RMI2: variants seen among roughly 807,000 people sequenced by gnomAD.
The protein encoded by RMI2 is recQ-mediated genome instability protein 2.
In RMI2, 11 loss-of-function variants were observed where a neutral mutation model predicts 8.4. The observed-to-expected ratio is 1.32, with a 90% CI of 0.83 to 2.18. RMI2 has a LOEUF of 2.18. Ranked by LOEUF, RMI2 falls within the 30% of genes most tolerant of loss-of-function variation. RMI2 has a pLI of 0.00. For missense variants in RMI2, 253 were observed against 207.5 expected (o/e 1.22, Z -1.35); for synonymous variants, 105 against 93.8 (o/e 1.12, Z -0.69).
At chr16:11,345,856 A>C in intron 1 of RMI2, 90 bp downstream of exon 1, 31 of 1,058,358 alleles carry the variant, frequency 2.9e-5, no homozygotes, top group Non-Finnish European at 3.6e-5. Context: ...TGACACTCGA[A>C]CGGGGGCGGG....
chr16:11,346,263 T>TTA (rs1045684371), intron 1 of RMI2, among the ~76,000 whole-genome samples: 11 of 111,820 alleles, frequency 9.8e-5, no homozygotes, highest in Non-Finnish European at 1.5e-4. Context: ...CTCTTTTTTT[T>TTA]TTTTTTTTTT....
intron 1 of RMI2, among the ~76,000 whole-genome samples, chr16:11,346,706 A>G (rs1279208056): frequency 6.6e-6 from 1 of 152,202 alleles, no homozygotes; most frequent in African/African-American, 2.4e-5. Context: ...TTGCATTTCT[A>G]ACCAGCTCCC....
Position 11,350,934 on chromosome 16 carries a change from G to A in RMI2, c.*144G>A, listed in dbSNP as rs1017852857. On this transcript the variant is annotated 3_prime_UTR_variant, in exon 2 of 2. Coordinates refer to ENST00000312499, the MANE Select transcript of RMI2 (RefSeq NM_152308.3). ...CTTGCTTTGGTTGACCAAGGAGTCC[G>A]GATGTAGGAATGTTTAAATCCTCGG... The A allele has an allele frequency of 2.9e-5, 18 of 618,412 alleles. No homozygotes were observed. Among genetic ancestry groups the A allele is most frequent in the African/African-American group, 1.5e-4 (8 of 52,194 alleles). The allele number at this position is 618,412 out of a possible 1,614,324, so 38.3% of individuals were successfully genotyped here.
rs904953554 is a variant in RMI2 at position 11,350,815 on chromosome 16, A to G, written c.*25A>G. 6.3e-7 allele frequency: 1 copy of G among 1,575,392 alleles called. No individual in the cohort carries two copies. Among genetic ancestry groups the G allele is most frequent in the Admixed American group, 1.9e-5 (1 of 51,942 alleles). ...GAGTATGTTGGAACTGTCGTTAAAA[A>G]CAACCAAAATCCCGAAACTATTTAG... On this transcript the variant is annotated 3_prime_UTR_variant, in exon 2 of 2. Transcript: ENST00000312499.
rs956777715 is a variant in RMI2 at position 11,345,507 on chromosome 16, C to T, written c.36C>T (p.Pro12=). ...AAAADSFSGG[P]AGVRLPRSPP... ...CTGCGGACTCGTTCTCAGGCGGCCC[C>T]GCGGGGGTGCGGCTTCCGAGGTCGC... Residue 12 remains proline (P), a synonymous_variant, in exon 1 of 2, where the codon CCC becomes CCT. Transcript: ENST00000312499. 3.8e-6 allele frequency: 5 copies of T among 1,307,538 alleles called. No individual in the cohort carries two copies. Among genetic ancestry groups the T allele is most frequent in the Admixed American group, 3.1e-5 (1 of 31,758 alleles). The allele number at this position is 1,307,538 out of a possible 1,614,324, so 81.0% of individuals were successfully genotyped here.
chr16:11,350,726 A>G lies in RMI2; in HGVS notation c.380A>G (p.Asp127Gly), dbSNP rs759589947. Residue 127 changes from aspartate (D) to glycine (G), a missense_variant, in exon 2 of 2, where the codon GAT becomes GGT. Transcript: ENST00000312499. ...LQAVKMTDLSDNPIHESMWEL... is the reference protein window; with the variant it reads ...LQAVKMTDLSGNPIHESMWEL... Reference sequence around the variant, plus strand: ...GCTGTGAAGATGACAGACCTTTCTGATAATCCCATCCATGAAAGTATGTGG... The same window carrying G: ...GCTGTGAAGATGACAGACCTTTCTGGTAATCCCATCCATGAAAGTATGTGG... 6 of 1,613,558 alleles carry G rather than the reference A, an allele frequency of 3.7e-6. No homozygotes were observed. The highest frequency in any genetic ancestry group is 5.1e-6 in the Non-Finnish European group (6 of 1,179,532).
rs887955597 is a variant in RMI2 at position 11,350,882 on chromosome 16, G to A, written c.*92G>A. On this transcript the variant is annotated 3_prime_UTR_variant, in exon 2 of 2. Transcript: ENST00000312499. ...GGATTTCATGGACACTTTTCAATGC[G>A]TATTTTTCAAATGCTTCTCAGAGAG... 2.0e-5 allele frequency: 22 copies of A among 1,094,040 alleles called. No individual in the cohort carries two copies. The highest frequency in any genetic ancestry group is 3.4e-5 in the South Asian group (2 of 59,282). The allele number at this position is 1,094,040 out of a possible 1,614,324, so 67.8% of individuals were successfully genotyped here.
At chr16:11,346,172 A>G (rs1395401158) in intron 1 of RMI2, among the ~76,000 whole-genome samples, 1 of 151,684 alleles carries the variant, frequency 6.6e-6, no homozygotes, top group Admixed American at 6.6e-5. Flanking sequence ...AGTCCTCCCT[A>G]GCCCCTAGGA....
chr16:11,346,744 G>A (rs575559897), intron 1 of RMI2, among the ~76,000 whole-genome samples: 2 of 152,164 alleles, frequency 1.3e-5, no homozygotes, highest in Non-Finnish European at 2.9e-5. Flanking sequence ...CTGGTCTGGG[G>A]ACCATACTTT....
In RMI2 at chr16:11,345,664, G is replaced by A. The variant is rs1259062251; in HGVS notation, c.193G>A (p.Val65Met). The change falls in exon 1 of 2, where the codon GTG (valine) becomes ATG (methionine). Residue 65 changes from valine (V) to methionine (M), a missense_variant. Val to Met is a conservative substitution (Grantham distance 21, BLOSUM62 1). Transcript: ENST00000312499. Reference protein sequence around the residue: ...LAAVWMQGRVVMADRGEARLR... With the variant: ...LAAVWMQGRVMMADRGEARLR... ...GGCCGTGTGGATGCAGGGCAGGGTA[G>A]TGATGGCGGACCGCGGCGAGGCTCG... is the stretch of plus-strand genomic sequence containing the variant. The A allele has an allele frequency of 7.9e-7, 1 of 1,271,180 alleles. No individual in the cohort carries two copies. Among genetic ancestry groups the A allele is most frequent in the Non-Finnish European group, 9.9e-7 (1 of 1,010,052 alleles). 78.7% of individuals were successfully genotyped at this position (1,271,180 alleles called of 1,614,324 possible).
intron 1 of RMI2, among the ~76,000 whole-genome samples, chr16:11,347,122 C>T (rs573349546): frequency 6.6e-6 from 1 of 152,228 alleles, no homozygotes; most frequent in African/African-American, 2.4e-5. Context: ...GGGCTGCAGC[C>T]GAGACCTAGA....
chr16:11,347,533 G>A (rs937277498), intron 1 of RMI2, among the ~76,000 whole-genome samples: 1 of 152,140 alleles, frequency 6.6e-6, no homozygotes, highest in Non-Finnish European at 1.5e-5. Context: ...TCATTCCTGC[G>A]TGTTGTGTGG....
chr16:11,347,608 G>T (rs767622480), intron 1 of RMI2, among the ~76,000 whole-genome samples: 11 of 152,040 alleles, frequency 7.2e-5, no homozygotes, highest in Non-Finnish European at 1.5e-4. Flanking sequence ...AAAATATCAG[G>T]ACTCGTTTAC....
At position 11,345,638 on chromosome 16, in the gene RMI2, C is replaced by A. The variant is rs759325640; in HGVS notation, c.167C>A (p.Ala56Glu). Residue 56 changes from alanine to glutamate, a missense_variant, in exon 1 of 2, where the codon GCG (alanine) becomes GAG (glutamate). Coordinates refer to ENST00000312499, the MANE Select transcript of RMI2 (RefSeq NM_152308.3). ...GCGGGCCGCGGGCCGCTGGACCTGG[C>A]GGCCGTGTGGATGCAGGGCAGGGTA... is the stretch of plus-strand genomic sequence containing the variant. ...AAAGRGPLDLAAVWMQGRVVM... is the reference protein window; with the variant it reads ...AAAGRGPLDLEAVWMQGRVVM... 17 of 1,257,982 alleles carry A rather than the reference C, an allele frequency of 1.4e-5. No homozygotes were observed. Among genetic ancestry groups the A allele is most frequent in the Admixed American group, 3.6e-5 (1 of 27,558 alleles). 77.9% of individuals were successfully genotyped at this position (1,257,982 alleles called of 1,614,324 possible).
At position 11,345,633 on chromosome 16, in the gene RMI2, C is replaced by T. The variant is rs762577934; in HGVS notation, c.162C>T (p.Asp54=). Residue 54 remains aspartate (D), a synonymous_variant, in exon 1 of 2, where the codon GAC becomes GAT. Transcript: ENST00000312499. The part of the protein sequence containing the change: ...SRAAAGRGPL[D]LAAVWMQGRV... Reference sequence around the variant, plus strand: ...CGGCGGCGGGCCGCGGGCCGCTGGACCTGGCGGCCGTGTGGATGCAGGGCA... The same window carrying T: ...CGGCGGCGGGCCGCGGGCCGCTGGATCTGGCGGCCGTGTGGATGCAGGGCA... 2.4e-6 allele frequency: 3 copies of T among 1,253,146 alleles called. No homozygotes were observed. Among genetic ancestry groups the T allele is most frequent in the South Asian group, 3.8e-5 (1 of 26,498 alleles). 77.6% of individuals were successfully genotyped at this position (1,253,146 alleles called of 1,614,324 possible).
At chr16:11,350,268 C>T (rs1409615539) in intron 1 of RMI2, among the ~76,000 whole-genome samples, 1 of 152,200 alleles carries the variant, frequency 6.6e-6, no homozygotes, top group African/African-American at 2.4e-5. Flanking sequence ...TTTTACATGA[C>T]AGTTTTGTTT....
chr16:11,345,792 C>T (rs2070854590), intron 1 of RMI2, 26 bp downstream of exon 1: 11 of 1,229,844 alleles, frequency 8.9e-6, no homozygotes, highest in Non-Finnish European at 1.0e-5. Flanking sequence ...TACCGGGCGC[C>T]CTCTTCCCTG....
intron 1 of RMI2, chr16:11,348,196 C>T (rs975597600): frequency 6.6e-6 from 1 of 152,248 alleles, no homozygotes; most frequent in African/African-American, 2.4e-5. Flanking sequence ...ATGTCTCGGG[C>T]CGCTGTCCCA....
chr16:11,346,671 A>T (rs1038679397), intron 1 of RMI2, among the ~76,000 whole-genome samples: 4 of 152,198 alleles, frequency 2.6e-5, no homozygotes, highest in South Asian at 4.1e-4. Context: ...TTTGTGAGTC[A>T]GGAGGTCCAG....
Sources: gnomAD v4.1 joint callset for allele counts (sites outside exome capture counted in the v4.1 genomes callset) on GRCh38, gnomAD v4.1.1 for gene constraint, MANE v1.5 for transcripts, NCBI Gene and HGNC (gene_info 2026-07-23, HGNC 2026-07-21) for gene names.